Variants in TAS2R1 observed in about 807,000 individuals in gnomAD.
The protein encoded by TAS2R1 is taste 2 receptor member 1.
For missense variants in TAS2R1, 370 were observed against 353.4 expected (o/e 1.05, Z -0.38); for synonymous variants, 141 against 134.2 (o/e 1.05, Z -0.35).
chr5:9,723,357 C>G, the TAS2R1 span, among the ~76,000 whole-genome samples: 1 of 152,078 alleles, frequency 6.6e-6, no homozygotes, highest in Non-Finnish European at 1.5e-5. Flanking sequence ...TTGTGGACTG[C>G]GGGGCAAAAG....
Position 9,648,512 on chromosome 5 carries a change from A to G in TAS2R1, c.-81+10909T>C, listed in dbSNP as rs573561570. Reference sequence around the variant, plus strand: ...TCAAGGTCTCTGAATCGTGGGGAACATGAGGTAGTTACCCCAAGCAGAAGC... The same window carrying G: ...TCAAGGTCTCTGAATCGTGGGGAACGTGAGGTAGTTACCCCAAGCAGAAGC... On this transcript the variant is annotated intron_variant, in intron 2 of 2. Transcript: ENST00000506620. Among the ~76,000 whole-genome samples the G allele has an allele frequency of 2.6e-5, 4 of 152,176 alleles. No homozygotes were observed. In the South Asian group the frequency reaches 6.2e-4, roughly 24 times the overall value.
chr5:9,769,834 T>C, the TAS2R1 span, among the ~76,000 whole-genome samples: 36 of 152,296 alleles, frequency 2.4e-4, no homozygotes, highest in African/African-American at 8.2e-4. Context: ...AGATGGATAG[T>C]TTGCAAATAT....
the TAS2R1 span, among the ~76,000 whole-genome samples, chr5:9,879,908 TA>T: frequency 2.0e-3 from 304 of 152,312 alleles, no homozygotes; most frequent in African/African-American, 7.1e-3. Flanking sequence ...CAATTGTTTA[TA>T]ATTGATAAGA....
chr5:9,786,060 G>A, the TAS2R1 span, among the ~76,000 whole-genome samples: 2 of 152,196 alleles, frequency 1.3e-5, no homozygotes, highest in African/African-American at 4.8e-5. Flanking sequence ...TTTAAAATCA[G>A]TGACTTGACT....
the TAS2R1 span, among the ~76,000 whole-genome samples, chr5:9,869,716 G>T: frequency 1.3e-5 from 2 of 152,220 alleles, no homozygotes; most frequent in Non-Finnish European, 2.9e-5. Context: ...GGACTAGATT[G>T]TTGAAAGTTT....
chr5:9,736,189 C>T, the TAS2R1 span, among the ~76,000 whole-genome samples: 4 of 152,202 alleles, frequency 2.6e-5, no homozygotes, highest in Non-Finnish European at 4.4e-5. Context: ...GCCTAGCATC[C>T]CTCTTTTTCT....
At chr5:9,796,513 C>T in the TAS2R1 span, among the ~76,000 whole-genome samples, 1 of 151,954 alleles carries the variant, frequency 6.6e-6, no homozygotes, top group Non-Finnish European at 1.5e-5. Flanking sequence ...CACTGAAATT[C>T]CTGCATCCTG....
chr5:9,689,979 T>C (rs1335031016), intron 1 of TAS2R1, among the ~76,000 whole-genome samples: 1 of 152,226 alleles, frequency 6.6e-6, no homozygotes. Flanking sequence ...TTTGCATAAA[T>C]AAGTTGATGA....
the TAS2R1 span, among the ~76,000 whole-genome samples, chr5:9,886,776 T>A: frequency 7.2e-3 from 1,092 of 152,314 alleles, 5 homozygotes; most frequent in Non-Finnish European, 9.8e-3. Context: ...TTGGGTACTA[T>A]GCTTATTACC....
the TAS2R1 span, among the ~76,000 whole-genome samples, chr5:9,784,592 C>T: frequency 6.6e-6 from 1 of 152,200 alleles, no homozygotes; most frequent in Non-Finnish European, 1.5e-5. Context: ...AAAAGCAGGC[C>T]AGAGTAAAAA....
chr5:9,749,182 T>C, the TAS2R1 span, among the ~76,000 whole-genome samples: 1 of 152,128 alleles, frequency 6.6e-6, no homozygotes, highest in Non-Finnish European at 1.5e-5. Context: ...TGAATGAACA[T>C]AGGGGAAGAA....
intron 1 of TAS2R1, among the ~76,000 whole-genome samples, chr5:9,681,602 C>A (rs1409224603): frequency 6.7e-6 from 1 of 148,766 alleles, no homozygotes; most frequent in Non-Finnish European, 1.5e-5. Flanking sequence ...GCATGACATT[C>A]CATTATCCTA....
At chr5:9,748,107 G>A in the TAS2R1 span, among the ~76,000 whole-genome samples, 1 of 152,222 alleles carries the variant, frequency 6.6e-6, no homozygotes, top group Non-Finnish European at 1.5e-5. Flanking sequence ...CTTCTGTTAA[G>A]TAGGACATGA....
intron 1 of TAS2R1, among the ~76,000 whole-genome samples, chr5:9,701,221 GACACACACAC>G (rs34248017): frequency 0.063 from 8,529 of 135,826 alleles, 395 homozygotes; most frequent in African/African-American, 0.16. Context: ...CAGACACGCA[GACACACACAC>G]ACACACACAC....
At chr5:9,768,936 T>A in the TAS2R1 span, among the ~76,000 whole-genome samples, 1 of 152,214 alleles carries the variant, frequency 6.6e-6, no homozygotes, top group African/African-American at 2.4e-5. Context: ...ACAATCCTCC[T>A]TTGGTTATTT....
rs60925667 is a variant in TAS2R1, at chr5:9,636,985, G to GT, written c.-80-6994dup. Among the ~76,000 whole-genome samples, 42 of 149,326 alleles carry GT rather than the reference G, an allele frequency of 2.8e-4. No individual in the cohort carries two copies. The East Asian group carries it at 6.1e-3, about 22-fold the overall frequency. On this transcript the variant is annotated intron_variant, in intron 2 of 2. Transcript: ENST00000506620. ...GTGCTAGTTGTTGCCTTAATACCTT[G>GT]TTTTTTTTTTTCCATTGTGTTATTA... is the stretch of plus-strand genomic sequence containing the variant.
chr5:9,672,913 G>A (rs1460911109), intron 1 of TAS2R1, among the ~76,000 whole-genome samples: 1 of 152,146 alleles, frequency 6.6e-6, no homozygotes. Context: ...ACCAATGGCA[G>A]ACTGGATAAA....
At chr5:9,824,811 C>T in the TAS2R1 span, among the ~76,000 whole-genome samples, 1 of 145,536 alleles carries the variant, frequency 6.9e-6, no homozygotes, top group South Asian at 2.2e-4. Flanking sequence ...CATGCCACTA[C>T]ACTCCAACCT....
intron 1 of TAS2R1, among the ~76,000 whole-genome samples, chr5:9,692,531 T>A (rs1263450639): frequency 6.6e-6 from 1 of 152,216 alleles, no homozygotes; most frequent in African/African-American, 2.4e-5. Flanking sequence ...GTTAAGATGT[T>A]CATCCCAAAC....
Sources: allele counts gnomAD v4.1 joint callset (sites outside exome capture counted in the v4.1 genomes callset), GRCh38; gene constraint gnomAD v4.1.1; transcripts MANE v1.5; gene names NCBI Gene and HGNC (gene_info 2026-07-23, HGNC 2026-07-21).